Variants in MYO18A observed in about 807,000 individuals in gnomAD.
MYO18A encodes the protein myosin XVIIIA.
In MYO18A, 78 loss-of-function variants were observed where a neutral mutation model predicts 235.8. That is an observed-to-expected ratio of 0.33 (90% CI 0.28 to 0.40). The LOEUF (loss-of-function observed/expected upper bound fraction) is 0.40, where lower values mean the gene tolerates loss of function less well. MYO18A is among the 10% of genes least tolerant of loss of function. The pLI is 1.00. For synonymous variants in MYO18A, 977 were observed against 1,077.8 expected (o/e 0.91, Z 1.83); for missense variants, 2,215 against 2,699.3 (o/e 0.82, Z 3.98).
intron 41 of MYO18A, chr17:29,079,785 C>A: frequency 1.0e-6 from 1 of 986,118 alleles, no homozygotes; most frequent in Non-Finnish European, 1.2e-6. Context: ...CCACCTCTTT[C>A]TTGCGCTTCT....
chr17:29,110,414 C>T lies in MYO18A; in HGVS notation c.3087+22G>A, dbSNP rs555714040. ...AAGGAAGGGTCCCCAGGCCTGCCTG[C>T]TGGGACCCGGCTGGCACTCACCACC... On this transcript the variant is annotated intron_variant, in intron 18 of 41. Transcript: ENST00000527372. 203 of 1,560,038 alleles carry T rather than the reference C, an allele frequency of 1.3e-4. 2 individuals carry two copies. The South Asian group carries it at 2.2e-3, about 17-fold the overall frequency.
intron 2 of MYO18A, among the ~76,000 whole-genome samples, chr17:29,148,096 C>T (rs2067886207): frequency 6.6e-6 from 1 of 151,404 alleles, no homozygotes; most frequent in African/African-American, 2.4e-5. Context: ...GGAAAGATAC[C>T]AAGGTTTAAA....
chr17:29,114,867 C>T (rs1222527082), intron 14 of MYO18A, 40 bp downstream of exon 14: 1 of 1,584,136 alleles, frequency 6.3e-7, no homozygotes, highest in African/African-American at 1.3e-5. Flanking sequence ...GTGCCAAGGC[C>T]AGAATCTGAG....
At chr17:29,096,480 G>A (rs79924300) in intron 28 of MYO18A, among the ~76,000 whole-genome samples, 5,469 of 152,264 alleles carry the variant, frequency 0.036, 252 homozygotes, top group African/African-American at 0.1. Flanking sequence ...GGCCCTGGTT[G>A]ATGCACTTCC....
chr17:29,114,337 A>T (rs555780864), intron 14 of MYO18A: 5 of 507,192 alleles, frequency 9.9e-6, no homozygotes, highest in Non-Finnish European at 1.4e-5. Context: ...CATTACTCAC[A>T]TGAGTTGATT....
chr17:29,085,639 G>A lies in MYO18A; in HGVS notation c.5862C>T (p.Asp1954=). ...TTCTTTTCTGATACTTTGTCACCATGTCCTGCAAACTGGAAATAGAAGGAA... is the reference window on the plus strand; with the variant it reads ...TTCTTTTCTGATACTTTGTCACCATATCCTGCAAACTGGAAATAGAAGGAA... ...ENEDLINSLQ[D]MVTKYQKRKN... is the part of the protein sequence containing the mutation. Residue 1954 remains aspartate, a synonymous_variant, in exon 40 of 42, where the codon GAC becomes GAT. Transcript: ENST00000527372. 2 of 1,614,044 alleles carry A rather than the reference G, an allele frequency of 1.2e-6. No homozygotes were observed. Among genetic ancestry groups the A allele is most frequent in the South Asian group, 1.1e-5 (1 of 91,090 alleles).
Position 29,074,153 on chromosome 17 carries a change from GCA to G in MYO18A, c.*615_*616del. On this transcript the variant is annotated 3_prime_UTR_variant, in exon 42 of 42. Coordinates refer to ENST00000527372, the MANE Select transcript of MYO18A (RefSeq NM_078471.4). The surrounding 1 kb of genome is among the most constrained non-coding windows in gnomAD (Gnocchi z 4.4). ...GCTCTCCTCACCAGCGTCTCCAGCTGCACAGAGAAAGGACTGCTCTCTGAAGG... is the reference window on the plus strand; with the variant it reads ...GCTCTCCTCACCAGCGTCTCCAGCTGCAGAGAAAGGACTGCTCTCTGAAGG... 1 of 1,613,506 alleles carries G rather than the reference GCA, an allele frequency of 6.2e-7. No individual in the cohort carries two copies. Among genetic ancestry groups the G allele is most frequent in the Non-Finnish European group, 8.5e-7 (1 of 1,179,722 alleles).
chr17:29,078,635 C>T (rs1396372073), intron 41 of MYO18A: 1 of 152,266 alleles, frequency 6.6e-6, no homozygotes, highest in Non-Finnish European at 1.5e-5. Flanking sequence ...CAAGCTTGCC[C>T]TGGGAGGGCA....
At position 29,126,074 on chromosome 17, in the gene MYO18A, GC is replaced by G; in HGVS notation, c.1000-3822del. 1 of 487,796 alleles carries G rather than the reference GC, an allele frequency of 2.1e-6. No individual in the cohort carries two copies. The highest frequency in any genetic ancestry group is 2.7e-6 in the Non-Finnish European group (1 of 374,372). 30.2% of individuals were successfully genotyped at this position (487,796 alleles called of 1,614,324 possible). ...GGACCCACTAGGGAAGGGGAGCAGCGCCAGGGAGCAAGCCGCGCGGCAATCT... is the reference window on the plus strand; with the variant it reads ...GGACCCACTAGGGAAGGGGAGCAGCGCAGGGAGCAAGCCGCGCGGCAATCT... On this transcript the variant is annotated intron_variant, in intron 2 of 41. Coordinates refer to ENST00000527372, the MANE Select transcript of MYO18A (RefSeq NM_078471.4). The surrounding 1 kb of genome is among the most constrained non-coding windows in gnomAD (Gnocchi z 4.1).
In MYO18A at chr17:29,073,692, G is replaced by C; in HGVS notation, c.*1078C>G. The stretch of plus-strand genomic sequence containing the variant: ...TTCTCAGGGATAACCTTTTTAGGGT[G>C]GGGGCTGGGACCTCCAGACCACATG... On this transcript the variant is annotated 3_prime_UTR_variant, in exon 42 of 42. Coordinates refer to ENST00000527372, the MANE Select transcript of MYO18A (RefSeq NM_078471.4). 5.3e-6 allele frequency: 4 copies of C among 759,686 alleles called. No homozygotes were observed. Among genetic ancestry groups the C allele is most frequent in the Non-Finnish European group, 8.5e-6 (4 of 470,278 alleles). 47.1% of individuals were successfully genotyped at this position (759,686 alleles called of 1,614,324 possible).
intron 1 of MYO18A, among the ~76,000 whole-genome samples, chr17:29,175,298 T>C (rs2068498312): frequency 2.0e-5 from 3 of 152,092 alleles, no homozygotes; most frequent in African/African-American, 7.2e-5. Context: ...TAAATGTGTA[T>C]TTGCTTACAC....
At chr17:29,077,337 C>T (rs1043989519) in intron 41 of MYO18A, 4 of 152,268 alleles carry the variant, frequency 2.6e-5, no homozygotes, top group African/African-American at 9.6e-5. Context: ...CACAAGCCAG[C>T]GTCTCCTGCT....
chr17:29,128,483 G>C, intron 2 of MYO18A: 2 of 1,288,004 alleles, frequency 1.6e-6, no homozygotes, highest in Non-Finnish European at 2.0e-6. Context: ...TGGGGGTATC[G>C]GGCTGGTGGG....
intron 34 of MYO18A, chr17:29,091,671 A>G (rs1411168217): frequency 2.2e-6 from 1 of 454,960 alleles, no homozygotes; most frequent in East Asian, 6.9e-5. Context: ...GGGATAAATC[A>G]AGCCCGTGAG....
At chr17:29,080,900 T>A in intron 41 of MYO18A, 2 of 985,398 alleles carry the variant, frequency 2.0e-6, no homozygotes, top group Non-Finnish European at 2.4e-6. Flanking sequence ...GCGTCCCCGG[T>A]GCCCCCGATG....
chr17:29,162,547 A>G (rs1479775972), intron 2 of MYO18A, among the ~76,000 whole-genome samples: 2 of 152,212 alleles, frequency 1.3e-5, no homozygotes, highest in Non-Finnish European at 2.9e-5. Flanking sequence ...CTGGACTTGA[A>G]GCCCCTCTGC....
chr17:29,101,148 C>T (rs1030413219), intron 21 of MYO18A, among the ~76,000 whole-genome samples: 3 of 149,800 alleles, frequency 2.0e-5, no homozygotes, highest in Non-Finnish European at 4.5e-5. Context: ...CAGGTGTGCA[C>T]CACCATTCCC....
intron 2 of MYO18A, among the ~76,000 whole-genome samples, chr17:29,135,530 G>T (rs987912870): frequency 1.3e-5 from 2 of 152,232 alleles, no homozygotes; most frequent in African/African-American, 4.8e-5. Context: ...TAATGTGCTA[G>T]AGACTTTAAG....
intron 2 of MYO18A, among the ~76,000 whole-genome samples, chr17:29,151,084 C>A (rs1322875180): frequency 2.0e-5 from 3 of 151,596 alleles, no homozygotes; most frequent in Admixed American, 6.6e-5. Context: ...CCCGTCTCTA[C>A]AAAAAAAATT....
Sources: allele counts gnomAD v4.1 joint callset (sites outside exome capture counted in the v4.1 genomes callset), GRCh38; gene constraint gnomAD v4.1.1; non-coding constraint Gnocchi (gnomAD v3.1); transcripts MANE v1.5; gene names NCBI Gene and HGNC (gene_info 2026-07-23, HGNC 2026-07-21).